The following ZNF462 variants were observed in gnomAD, a reference collection of about 807,000 sequenced individuals.
ZNF462 encodes zinc finger PBX1-interacting protein.
ZNF462 carries 10 observed loss-of-function variants against 201.9 expected under a neutral mutation model. That is an observed-to-expected ratio of 0.05 (90% confidence interval 0.03 to 0.08). ZNF462 has a LOEUF of 0.08. ZNF462 is among the 10% of genes least tolerant of loss of function. The pLI is 1.00. For missense variants in ZNF462, 2,523 were observed against 3,168.3 expected (o/e 0.80, Z 4.89); for synonymous variants, 1,227 against 1,193.3 (o/e 1.03, Z -0.58).
In ZNF462 at chr9:106,935,497, A is replaced by G. The variant is rs1213321030; in HGVS notation, c.6117-6A>G. The G allele has an allele frequency of 3.1e-6, 5 of 1,612,798 alleles. No individual in the cohort carries two copies. Among genetic ancestry groups the G allele is most frequent in the Non-Finnish European group, 4.2e-6 (5 of 1,179,178 alleles). On this transcript the variant is annotated splice_region_variant and splice_polypyrimidine_tract_variant and intron_variant, in intron 5 of 12. Transcript: ENST00000277225. The surrounding 1 kb of genome is among the most constrained non-coding windows in gnomAD (Gnocchi z 4.1). ...ATTTTTCTTTTTGTTTTCCTTCTACATCAAGTTTGGATCGCCATATGCAAA... is the reference window on the plus strand; with the variant it reads ...ATTTTTCTTTTTGTTTTCCTTCTACGTCAAGTTTGGATCGCCATATGCAAA...
At position 106,993,801 on chromosome 9, in the gene ZNF462, A is replaced by G. The variant is rs76174190; in HGVS notation, c.7056+9392A>G. On this transcript the variant is annotated intron_variant, in intron 10 of 12. Transcript: ENST00000277225. This position sits in a 1 kb window ranked among gnomAD's most constrained non-coding sequence, Gnocchi z 4.0. ...GCTCTGTTGCCCAGGCTGAGGTGCA[A>G]TGGCGCAATCATAGCTCACTGCATC... is the stretch of plus-strand genomic sequence containing the variant. 7.5e-3 allele frequency among the ~76,000 whole-genome samples: 1,146 copies of G among 152,084 alleles called. No individual in the cohort carries two copies. Among genetic ancestry groups the G allele is most frequent in the Non-Finnish European group, 0.012 (848 of 67,964 alleles).
chr9:106,919,452 C>G lies in ZNF462; in HGVS notation c.-30-3902C>G, dbSNP rs561129568. 6.6e-6 allele frequency among the ~76,000 whole-genome samples: 1 copy of G among 152,292 alleles called. No individual in the cohort carries two copies. The highest frequency in any genetic ancestry group is 6.5e-5 in the Admixed American group (1 of 15,306). ...GGTGGTATAAATTAAAATTGGTGTT[C>G]TTAAGATTGAAAATGAGCAGGCTTT... is the stretch of plus-strand genomic sequence containing the variant. On this transcript the variant is annotated intron_variant, in intron 1 of 12. Coordinates refer to ENST00000277225, the MANE Select transcript of ZNF462 (RefSeq NM_021224.6). The surrounding 1 kb of genome is among the most constrained non-coding windows in gnomAD (Gnocchi z 4.5).
At chr9:106,896,668 A>G (rs1472487540) in intron 1 of ZNF462, among the ~76,000 whole-genome samples, 1 of 152,218 alleles carries the variant, frequency 6.6e-6, no homozygotes, top group Non-Finnish European at 1.5e-5. Flanking sequence ...CTAGAACGAA[A>G]TTGAACATTA....
rs1220719178 is a variant in ZNF462, at chr9:106,945,029, T to A, written c.6427+5922T>A. Among the ~76,000 whole-genome samples, 2 of 152,138 alleles carry A rather than the reference T, an allele frequency of 1.3e-5. 1 individual carries two copies. The highest frequency in any genetic ancestry group is 4.8e-5 in the African/African-American group (2 of 41,438). On this transcript the variant is annotated intron_variant, in intron 7 of 12. Coordinates refer to ENST00000277225, the MANE Select transcript of ZNF462 (RefSeq NM_021224.6). ...GAAAGGCCCATGAATGATACTTCAC[T>A]AACCCATGCCATAGATGAGATGATT...
At chr9:106,878,581 G>A (rs539187006) in intron 1 of ZNF462, among the ~76,000 whole-genome samples, 30 of 152,276 alleles carry the variant, frequency 2.0e-4, no homozygotes, top group African/African-American at 7.0e-4. Context: ...CAAACCCAGG[G>A]GATATGAGAT....
intron 1 of ZNF462, among the ~76,000 whole-genome samples, chr9:106,911,760 G>C (rs983005077): frequency 2.6e-5 from 4 of 152,142 alleles, no homozygotes; most frequent in African/African-American, 9.7e-5. Flanking sequence ...GCTTTTCTAA[G>C]AGACCCTTAG....
At position 106,932,052 on chromosome 9, in the gene ZNF462, G is replaced by A. The variant is rs144179155; in HGVS notation, c.6013-394G>A. Among the ~76,000 whole-genome samples, 867 of 152,244 alleles carry A rather than the reference G, an allele frequency of 5.7e-3. 19 individuals carry two copies. The highest frequency in any genetic ancestry group is 2.6e-3 in the Non-Finnish European group (179 of 68,004). On this transcript the variant is annotated intron_variant, in intron 4 of 12. Coordinates refer to ENST00000277225, the MANE Select transcript of ZNF462 (RefSeq NM_021224.6). The surrounding 1 kb of genome is among the most constrained non-coding windows in gnomAD (Gnocchi z 6.8). Reference sequence around the variant, plus strand: ...TCGCAAACAGTAGCAACCTGTGTCCGGGTATGTTGTCCTAAAATCACCTCC... The same window carrying A: ...TCGCAAACAGTAGCAACCTGTGTCCAGGTATGTTGTCCTAAAATCACCTCC...
chr9:106,876,589 A>G lies in ZNF462; in HGVS notation c.-31+13234A>G, dbSNP rs1304758587. Among the ~76,000 whole-genome samples the G allele has an allele frequency of 6.6e-6, 1 of 152,214 alleles. No homozygotes were observed. Among genetic ancestry groups the G allele is most frequent in the African/African-American group, 2.4e-5 (1 of 41,460 alleles). The stretch of plus-strand genomic sequence containing the variant: ...ACTCTGTATTGCTGTGTGTGCATTC[A>G]GTAGGAGCTTGTAAACTACCCGAGA... On this transcript the variant is annotated intron_variant, in intron 1 of 12. Transcript: ENST00000277225. This position sits in a 1 kb window ranked among gnomAD's most constrained non-coding sequence, Gnocchi z 4.9.
chr9:106,898,173 A>G lies in ZNF462; in HGVS notation c.-30-25181A>G, dbSNP rs373240237. Among the ~76,000 whole-genome samples the G allele has an allele frequency of 2.1e-3, 323 of 152,364 alleles. 2 individuals carry two copies. Among genetic ancestry groups the G allele is most frequent in the African/African-American group, 7.5e-3 (313 of 41,596 alleles). ...TGGAGGAAGAACTCCAAATAGAGGA[A>G]GAACAATGTATGGGTTCTGGACTCT... On this transcript the variant is annotated intron_variant, in intron 1 of 12. Coordinates refer to ENST00000277225, the MANE Select transcript of ZNF462 (RefSeq NM_021224.6).
At chr9:106,957,976 T>C (rs1214159042) in intron 7 of ZNF462, among the ~76,000 whole-genome samples, 1 of 152,126 alleles carries the variant, frequency 6.6e-6, no homozygotes, top group Admixed American at 6.6e-5. Flanking sequence ...AGAGCCATAG[T>C]CCATTTGAGA....
At position 106,930,352 on chromosome 9, in the gene ZNF462, C is replaced by T. The variant is rs1830373926; in HGVS notation, c.5848-173C>T. 6.6e-6 allele frequency among the ~76,000 whole-genome samples: 1 copy of T among 152,196 alleles called. No homozygotes were observed. The highest frequency in any genetic ancestry group is 2.1e-4 in the South Asian group (1 of 4,820). The stretch of plus-strand genomic sequence containing the variant: ...GGTTTCAAAGACTTTGCATAGTAGG[C>T]AGCGTGCCATGATGCTGACAAATTT... On this transcript the variant is annotated intron_variant, in intron 3 of 12. Coordinates refer to ENST00000277225, the MANE Select transcript of ZNF462 (RefSeq NM_021224.6). The surrounding 1 kb of genome is among the most constrained non-coding windows in gnomAD (Gnocchi z 5.8).
chr9:106,945,338 A>G (rs1831059440), intron 7 of ZNF462, among the ~76,000 whole-genome samples: 1 of 152,200 alleles, frequency 6.6e-6, no homozygotes, highest in Non-Finnish European at 1.5e-5. Flanking sequence ...TTGACAACTA[A>G]AAAATTAAGA....
rs1827546410 is a variant in ZNF462, at chr9:106,870,596, G to T, written c.-31+7241G>T. Among the ~76,000 whole-genome samples the T allele has an allele frequency of 6.6e-6, 1 of 152,156 alleles. No individual in the cohort carries two copies. Among genetic ancestry groups the T allele is most frequent in the Admixed American group, 6.5e-5 (1 of 15,288 alleles). On this transcript the variant is annotated intron_variant, in intron 1 of 12. Coordinates refer to ENST00000277225, the MANE Select transcript of ZNF462 (RefSeq NM_021224.6). The surrounding 1 kb of genome is among the most constrained non-coding windows in gnomAD (Gnocchi z 4.3). ...ACAAATTTTAACAAAGACCACACCA[G>T]GAAAAATGGAGAAAATTCTACTAGG...
intron 1 of ZNF462, among the ~76,000 whole-genome samples, chr9:106,900,702 A>G (rs1203369440): frequency 5.3e-5 from 8 of 152,080 alleles, no homozygotes; most frequent in Non-Finnish European, 1.2e-4. Context: ...AGAATTGGCT[A>G]TTCATGTCCT....
intron 1 of ZNF462, among the ~76,000 whole-genome samples, chr9:106,868,783 A>G (rs968016514): frequency 6.6e-6 from 1 of 152,108 alleles, no homozygotes; most frequent in Admixed American, 6.5e-5. Context: ...ACCCCATTGC[A>G]TTTGATTGTT....
At chr9:106,866,004 G>A (rs967297046) in intron 1 of ZNF462, among the ~76,000 whole-genome samples, 3 of 152,210 alleles carry the variant, frequency 2.0e-5, no homozygotes, top group African/African-American at 7.2e-5. Flanking sequence ...TCTTGAGGAT[G>A]AGGGAAGATG....
intron 1 of ZNF462, among the ~76,000 whole-genome samples, chr9:106,887,384 T>A (rs7854242): frequency 0.44 from 66,851 of 151,996 alleles, 16,579 homozygotes; most frequent in African/African-American, 0.68. Flanking sequence ...AATGGAAGTA[T>A]AAAAACAGTT....
chr9:106,995,404 A>G (rs570680156), intron 10 of ZNF462: 2 of 152,138 alleles, frequency 1.3e-5, no homozygotes, highest in African/African-American at 2.4e-5. Context: ...GTTCTATCCC[A>G]TCACATTTTG....
At chr9:106,960,011 A>C (rs540696797) in intron 7 of ZNF462, among the ~76,000 whole-genome samples, 7 of 152,088 alleles carry the variant, frequency 4.6e-5, no homozygotes, top group African/African-American at 9.7e-5. Context: ...GAAATAGGTG[A>C]AAATAAAAGA....
Sources: allele counts gnomAD v4.1 joint callset (sites outside exome capture counted in the v4.1 genomes callset), GRCh38; gene constraint gnomAD v4.1.1; non-coding constraint Gnocchi (gnomAD v3.1); transcripts MANE v1.5; gene names NCBI Gene and HGNC (gene_info 2026-07-23, HGNC 2026-07-21).